MYNN: variants seen among roughly 807,000 people sequenced by gnomAD.
MYNN encodes myoneurin.
In MYNN, 22 loss-of-function variants were observed where a neutral mutation model predicts 57.2. The observed-to-expected ratio is 0.38, with a 90% CI of 0.27 to 0.55. MYNN has a LOEUF of 0.55. Among genes scored for constraint, MYNN ranks in the 20% least tolerant of loss-of-function variants. The pLI is 0.71. For missense variants in MYNN, 566 were observed against 723.1 expected (o/e 0.78, Z 2.49); for synonymous variants, 241 against 257.1 (o/e 0.94, Z 0.60).
intron 2 of MYNN, among the ~76,000 whole-genome samples, chr3:169,775,021 G>A (rs1432082556): frequency 6.6e-6 from 1 of 151,868 alleles, no homozygotes; most frequent in African/African-American, 2.4e-5. Flanking sequence ...GTATTTTTTG[G>A]TAGAGACAGG....
chr3:169,787,317 A>G lies in MYNN; in HGVS notation c.*639A>G, dbSNP rs886272099. On this transcript the variant is annotated 3_prime_UTR_variant, in exon 8 of 8. Transcript: ENST00000349841. ...GAACTGAGTATTCTGGAGAAAACCA[A>G]TGGTCAGCACTTTTGGTTTGAGTTA... The G allele has an allele frequency of 6.6e-6, 1 of 152,102 alleles. No homozygotes were observed. The highest frequency in any genetic ancestry group is 1.5e-5 in the Non-Finnish European group (1 of 67,940). The allele number at this position is 152,102 out of a possible 1,614,324, so 9.4% of individuals were successfully genotyped here. A position where few individuals can be genotyped will look rare whatever the true frequency, so the allele number is the denominator to read the frequency against.
rs1190576987 is a variant in MYNN, at chr3:169,788,106, C to A, written c.*1428C>A. The A allele has an allele frequency of 6.6e-6, 1 of 151,800 alleles. No homozygotes were observed. The highest frequency in any genetic ancestry group is 2.4e-5 in the African/African-American group (1 of 41,322). The allele number at this position is 151,800 out of a possible 1,614,324, so 9.4% of individuals were successfully genotyped here. On this transcript the variant is annotated 3_prime_UTR_variant, in exon 8 of 8. Coordinates refer to ENST00000349841, the MANE Select transcript of MYNN (RefSeq NM_018657.5). ...ATATGTTTTTTATTGGTATTGATTT[C>A]TTTAATTCATTAATTTTCTCTATTT...
chr3:169,774,046 C>T (rs1450170018), intron 1 of MYNN: 1 of 438,704 alleles, frequency 2.3e-6, no homozygotes. Context: ...AGAAGTGTTG[C>T]CATTCACCGT....
rs1778271493 is a variant in MYNN, at chr3:169,774,562, G to T, written c.266+1G>T. 6.2e-7 allele frequency: 1 copy of T among 1,606,172 alleles called. No individual in the cohort carries two copies. The highest frequency in any genetic ancestry group is 1.3e-5 in the African/African-American group (1 of 74,666). Reference sequence around the variant, plus strand: ...ACACAGGAACTTTAAATCTTGACAGGTAAAGTACACATTTTATTTTCAGTT... The same window carrying T: ...ACACAGGAACTTTAAATCTTGACAGTTAAAGTACACATTTTATTTTCAGTT... On this transcript the variant is annotated splice_donor_variant, in intron 2 of 7. Coordinates refer to ENST00000349841, the MANE Select transcript of MYNN (RefSeq NM_018657.5). LOFTEE classifies it high-confidence loss of function.
chr3:169,783,250 G>C (rs753353011), intron 5 of MYNN, among the ~76,000 whole-genome samples: 8 of 151,976 alleles, frequency 5.3e-5, no homozygotes, highest in Non-Finnish European at 2.9e-5. Flanking sequence ...ATCTCTATTA[G>C]AAGGGACATT....
At position 169,773,952 on chromosome 3, in the gene MYNN, CAT is replaced by C. The variant is rs1778252264; in HGVS notation, c.-31-311_-31-310del. 2.1e-5 allele frequency: 5 copies of C among 237,486 alleles called. No homozygotes were observed. In the South Asian group the frequency reaches 3.1e-4, roughly 15 times the overall value. The allele number at this position is 237,486 out of a possible 1,614,324, so 14.7% of individuals were successfully genotyped here. ...AGTGGTTTAAAAAATTTTTTTGTAA[CAT>C]AAGTATGTCTACTGAGCTTGAAAAT... On this transcript the variant is annotated intron_variant, in intron 1 of 7. Coordinates refer to ENST00000349841, the MANE Select transcript of MYNN (RefSeq NM_018657.5).
intron 2 of MYNN, 145 bp downstream of exon 2, chr3:169,774,706 G>C: frequency 4.0e-6 from 3 of 748,376 alleles, no homozygotes; most frequent in Non-Finnish European, 6.5e-6. Context: ...AAAGAAATCA[G>C]TATCACTGAT....
At position 169,783,507 on chromosome 3, in the gene MYNN, G is replaced by A; in HGVS notation, c.1430G>A (p.Gly477Glu). The A allele has an allele frequency of 6.2e-7, 1 of 1,610,826 alleles. No individual in the cohort carries two copies. The highest frequency in any genetic ancestry group is 8.5e-7 in the Non-Finnish European group (1 of 1,177,768). The change falls in exon 6 of 8, where the codon GGG becomes GAG. Residue 477 changes from glycine (G) to glutamate (E), a missense_variant. Transcript: ENST00000349841. ...GEKPYICGIC[G>E]KSFISSGELN... ...AAACCATACATATGTGGTATTTGTGGGAAAAGTTTTATTTCCTCAGGAGAG... is the reference window on the plus strand; with the variant it reads ...AAACCATACATATGTGGTATTTGTGAGAAAAGTTTTATTTCCTCAGGAGAG...
At chr3:169,774,210 T>A in intron 1 of MYNN, 55 bp from the exon 2 acceptor site, 1 of 1,380,920 alleles carries the variant, frequency 7.2e-7, no homozygotes, top group South Asian at 1.3e-5. Flanking sequence ...CTTCCCTCAC[T>A]GAACGTTGAT....
Position 169,782,554 on chromosome 3 carries a change from A to G in MYNN, c.1310A>G (p.His437Arg), listed in dbSNP as rs781543771. 3 of 1,614,054 alleles carry G rather than the reference A, an allele frequency of 1.9e-6. No individual in the cohort carries two copies. In the South Asian group the frequency reaches 3.3e-5, roughly 18 times the overall value. The change falls in exon 5 of 8, where the codon CAT becomes CGT. Residue 437 changes from histidine to arginine, a missense_variant. Around this residue, in one of 4 missense-constraint regions of MYNN, gnomAD observed 123 missense variants for 222.6 expected, o/e 0.55. Coordinates refer to ENST00000349841, the MANE Select transcript of MYNN (RefSeq NM_018657.5). The surrounding 1 kb of genome is among the most constrained non-coding windows in gnomAD (Gnocchi z 4.8). ...ACACTGACCTATCATGTCCGTAGGC[A>G]TACTGGAGAAAAGCCTTATGTATGT... ...ASTLTYHVRR[H>R]TGEKPYVCDT...
At chr3:169,773,952 CATAAGT>C (rs1778252351) in intron 1 of MYNN, 2 of 237,486 alleles carry the variant, frequency 8.4e-6, no homozygotes, top group African/African-American at 2.2e-5. Flanking sequence ...TTTTTTGTAA[CATAAGT>C]ATGTCTACTG....
chr3:169,774,073 C>T, intron 1 of MYNN, 192 bp from the exon 2 acceptor site: 1 of 551,526 alleles, frequency 1.8e-6, no homozygotes, highest in Non-Finnish European at 3.2e-6. Context: ...TTGATGTGTC[C>T]AAAGGATTGT....
rs762995993 is a variant in MYNN at position 169,789,225 on chromosome 3, A to T, written c.*2547A>T. 3.9e-5 allele frequency: 6 copies of T among 152,190 alleles called. No individual in the cohort carries two copies. The highest frequency in any genetic ancestry group is 8.8e-5 in the Non-Finnish European group (6 of 68,028). The allele number at this position is 152,190 out of a possible 1,614,324, so 9.4% of individuals were successfully genotyped here. A position where few individuals can be genotyped will look rare whatever the true frequency, so the allele number is the denominator to read the frequency against. ...TTTCACAGGATGATTTTGATAGACA[A>T]ATTTTAGAAAACCTTTTTTCAAAGG... On this transcript the variant is annotated 3_prime_UTR_variant, in exon 8 of 8. Transcript: ENST00000349841.
intron 2 of MYNN, among the ~76,000 whole-genome samples, chr3:169,776,550 A>G (rs1279033749): frequency 6.6e-6 from 1 of 152,234 alleles, no homozygotes; most frequent in Admixed American, 6.5e-5. Context: ...AATGACCTTC[A>G]GTGACTGTTC....
Position 169,780,474 on chromosome 3 carries a change from G to A in MYNN, c.1061-116G>A, listed in dbSNP as rs569506072. 93 of 663,936 alleles carry A rather than the reference G, an allele frequency of 1.4e-4. 2 individuals carry two copies. Among genetic ancestry groups the A allele is most frequent in the South Asian group, 8.1e-4 (31 of 38,104 alleles). The allele number at this position is 663,936 out of a possible 1,614,324, so 41.1% of individuals were successfully genotyped here. On this transcript the variant is annotated intron_variant, in intron 3 of 7. Transcript: ENST00000349841. ...CTGGAAAAGATTATATTTGTTTTCAGTTCCAACAGTTAACATTTTCTTAAT... is the reference window on the plus strand; with the variant it reads ...CTGGAAAAGATTATATTTGTTTTCAATTCCAACAGTTAACATTTTCTTAAT...
At chr3:169,774,191 C>A in intron 1 of MYNN, 74 bp from the exon 2 acceptor site, 1 of 1,164,834 alleles carries the variant, frequency 8.6e-7, no homozygotes, top group Non-Finnish European at 1.2e-6. Flanking sequence ...TAAGTTATGT[C>A]CTCTGTCCCT....
intron 3 of MYNN, chr3:169,780,349 A>C: frequency 3.1e-6 from 1 of 320,918 alleles, no homozygotes; most frequent in Non-Finnish European, 5.6e-6. Context: ...TGAGCCACCG[A>C]GCCCAGCCCT....
chr3:169,774,117 C>T, intron 1 of MYNN, 148 bp from the exon 2 acceptor site: 1 of 608,930 alleles, frequency 1.6e-6, no homozygotes, highest in Non-Finnish European at 2.9e-6. Context: ...GATAGAAAGG[C>T]ACTCATCCCT....
At chr3:169,774,232 G>T in intron 1 of MYNN, 33 bp from the exon 2 acceptor site, 1 of 1,535,402 alleles carries the variant, frequency 6.5e-7, no homozygotes, top group African/African-American at 1.4e-5. Context: ...AGAACTTACG[G>T]TTACTGATTT....
Sources: gnomAD v4.1 joint callset for allele counts (sites outside exome capture counted in the v4.1 genomes callset) on GRCh38, gnomAD v4.1.1 for gene constraint, gnomAD v4.1.1 regional missense constraint, Gnocchi (gnomAD v3.1) non-coding constraint, MANE v1.5 for transcripts, NCBI Gene and HGNC (gene_info 2026-07-23, HGNC 2026-07-21) for gene names.